SLC2A11: variants seen among roughly 807,000 people sequenced by gnomAD.
SLC2A11 encodes solute carrier family 2, facilitated glucose transporter member 11.
Under a neutral mutation model 52.1 loss-of-function variants are expected in SLC2A11, and 43 were observed. The ratio of observed to expected loss-of-function variants is 0.82; its 90% CI spans 0.65 to 1.06. The LOEUF (loss-of-function observed/expected upper bound fraction) is 1.06, where lower values mean the gene tolerates loss of function less well. Ranked by LOEUF, SLC2A11 falls within the 50% of genes least tolerant of loss-of-function variation. The pLI, the probability that SLC2A11 is intolerant of heterozygous loss-of-function variation, is 0.00. For missense variants in SLC2A11, 582 were observed against 654.2 expected (o/e 0.89, Z 1.20); for synonymous variants, 261 against 277.6 (o/e 0.94, Z 0.59).
At position 23,885,129 on chromosome 22, in the gene SLC2A11, G is replaced by T; in HGVS notation, c.*280G>T. ...GCACTTTGGGAGGCCAAGGTGGGAGGATCAATTGAGGCCAGAGTTTGAAAC... is the reference window on the plus strand; with the variant it reads ...GCACTTTGGGAGGCCAAGGTGGGAGTATCAATTGAGGCCAGAGTTTGAAAC... On this transcript the variant is annotated 3_prime_UTR_variant, in exon 12 of 12. Transcript: ENST00000316185. 1.9e-6 allele frequency: 1 copy of T among 517,772 alleles called. No individual in the cohort carries two copies. The highest frequency in any genetic ancestry group is 3.4e-6 in the Non-Finnish European group (1 of 295,820). The allele number at this position is 517,772 out of a possible 1,614,324, so 32.1% of individuals were successfully genotyped here. A position where few individuals can be genotyped will look rare whatever the true frequency, so the allele number is the denominator to read the frequency against.
chr22:23,861,036 G>A (rs1245192932), intron 1 of SLC2A11, among the ~76,000 whole-genome samples: 1 of 151,664 alleles, frequency 6.6e-6, no homozygotes, highest in African/African-American at 2.4e-5. Flanking sequence ...TAGTAGAGGC[G>A]GGATTTCACC....
chr22:23,877,293 C>A, intron 5 of SLC2A11, 122 bp downstream of exon 5: 2 of 1,501,950 alleles, frequency 1.3e-6, no homozygotes, highest in Non-Finnish European at 1.8e-6. Context: ...ATGAAGGCAT[C>A]GAATCCTCTA....
rs1037146886 is a variant in SLC2A11 at position 23,871,741 on chromosome 22, C to CA, written c.290+3112dup. 723 of 123,784 alleles carry CA rather than the reference C, an allele frequency of 5.8e-3. 5 individuals carry two copies. Among genetic ancestry groups the CA allele is most frequent in the Admixed American group, 0.012 (144 of 12,204 alleles). The allele number at this position is 123,784 out of a possible 1,614,324, so 7.7% of individuals were successfully genotyped here. On this transcript the variant is annotated intron_variant, in intron 3 of 11. Transcript: ENST00000316185. ...TGGGTGACAGAGCAAGACTCTGTCT[C>CA]AAAAAAAAAAAAGCCCATGCTAAAA... is the stretch of plus-strand genomic sequence containing the variant.
intron 2 of SLC2A11, among the ~76,000 whole-genome samples, chr22:23,863,608 G>GTTTTT (rs71184923): frequency 1.0e-4 from 9 of 86,804 alleles, no homozygotes; most frequent in African/African-American, 2.3e-4. Flanking sequence ...TCTCTCTCTG[G>GTTTTT]TTTTTTTTTT....
chr22:23,863,607 GGTTTTTTTT>G (rs1408064674), intron 2 of SLC2A11, among the ~76,000 whole-genome samples: 3 of 113,168 alleles, frequency 2.7e-5, no homozygotes, highest in Non-Finnish European at 5.6e-5. Context: ...CTCTCTCTCT[GGTTTTTTTT>G]TTTTTTTTTT....
chr22:23,864,380 G>A (rs2032184721), intron 2 of SLC2A11, among the ~76,000 whole-genome samples: 1 of 152,138 alleles, frequency 6.6e-6, no homozygotes, highest in South Asian at 2.1e-4. Context: ...GGAGTGCGAT[G>A]GCGTGATCTT....
In SLC2A11 at chr22:23,868,495, C is replaced by T; in HGVS notation, c.144C>T (p.Phe48=). 6.2e-7 allele frequency: 1 copy of T among 1,614,200 alleles called. No individual in the cohort carries two copies. Among genetic ancestry groups the T allele is most frequent in the South Asian group, 1.1e-5 (1 of 91,084 alleles). The change falls in exon 3 of 12, where the codon TTC becomes TTT. Residue 48 remains phenylalanine, a synonymous_variant. Transcript: ENST00000316185. ...TCTGTCCACAGCACATTCAGGAATT[C>T]ACCAATGAGACATGGCAGGCGCGTA... The part of the protein sequence containing the change: ...INAPTLHIQE[F]TNETWQARTG...
upstream of SLC2A11, chr22:23,857,789 C>A: frequency 6.2e-6 from 9 of 1,442,310 alleles, no homozygotes; most frequent in Non-Finnish European, 8.2e-6. Flanking sequence ...CTGGTGCGGC[C>A]GCTCTCAATA....
intron 3 of SLC2A11, chr22:23,873,144 C>T (rs1195181341): frequency 6.6e-6 from 1 of 152,386 alleles, no homozygotes; most frequent in African/African-American, 2.4e-5. Flanking sequence ...GCCTCAGCCT[C>T]CTGAGTAGCT....
At position 23,857,886 on chromosome 22, in the gene SLC2A11, C is replaced by A; in HGVS notation, c.-114C>A. The A allele has an allele frequency of 6.4e-7, 1 of 1,556,816 alleles. No individual in the cohort carries two copies. Among genetic ancestry groups the A allele is most frequent in the Admixed American group, 1.9e-5 (1 of 53,616 alleles). On this transcript the variant is annotated 5_prime_UTR_variant, in exon 1 of 12. It adds an upstream start codon to the 5' untranslated region. Coordinates refer to ENST00000316185, the MANE Select transcript of SLC2A11 (RefSeq NM_001024939.4). ...GCGTGCGCTAGCGCCTCTTTCACCA[C>A]TGGGCGCTGCGCGCTGCCCTTCCCT...
At chr22:23,864,882 C>T (rs9612493) in intron 2 of SLC2A11, among the ~76,000 whole-genome samples, 53,806 of 150,138 alleles carry the variant, frequency 0.36, 10,026 homozygotes, top group Middle Eastern at 0.45. Flanking sequence ...CTGAGGCAGG[C>T]GGATCATTTG....
At position 23,883,836 on chromosome 22, in the gene SLC2A11, G is replaced by C; in HGVS notation, c.1058G>C (p.Cys353Ser). The part of the protein sequence containing the change: ...LLIGGYSLMT[C>S]WGSIFTVALC... ...ATCGGTGGGTACAGCCTGATGACCT[G>C]CTGGGGGAGCATCTTCACTGTGGCC... Residue 353 changes from cysteine (C) to serine (S), a missense_variant, in exon 9 of 12, where the codon TGC becomes TCC. Cys to Ser is a moderately radical substitution (Grantham distance 112). Coordinates refer to ENST00000316185, the MANE Select transcript of SLC2A11 (RefSeq NM_001024939.4). 1.3e-6 allele frequency: 2 copies of C among 1,589,806 alleles called. No individual in the cohort carries two copies. The highest frequency in any genetic ancestry group is 1.7e-6 in the Non-Finnish European group (2 of 1,171,452).
intron 1 of SLC2A11, among the ~76,000 whole-genome samples, chr22:23,860,734 T>TG (rs2032022008): frequency 3.6e-5 from 2 of 54,920 alleles, no homozygotes; most frequent in Non-Finnish European, 8.3e-5. Flanking sequence ...CTCCGTCTCT[T>TG]TTTTTTTTTT....
chr22:23,860,221 A>T (rs1220085189), intron 1 of SLC2A11, among the ~76,000 whole-genome samples: 1 of 151,914 alleles, frequency 6.6e-6, no homozygotes, highest in African/African-American at 2.4e-5. Context: ...AGGAGTTTGA[A>T]ACCAGCCTGG....
Position 23,882,592 on chromosome 22 carries a change from G to A in SLC2A11, c.828G>A (p.Gln276=). 1.2e-6 allele frequency: 2 copies of A among 1,613,482 alleles called. No homozygotes were observed. The highest frequency in any genetic ancestry group is 1.7e-6 in the Non-Finnish European group (2 of 1,179,846). Residue 276 remains glutamine (Q), a synonymous_variant, in exon 7 of 12, where the codon CAG becomes CAA. Transcript: ENST00000316185. ...ELFQHRALRR[Q]VTSLVVLGSA... is the part of the protein sequence containing the mutation. Reference sequence around the variant, plus strand: ...TCCAGCATCGGGCCCTGAGGAGACAGGTGACAAGCCTCGTGGTTCTGGGCA... The same window carrying A: ...TCCAGCATCGGGCCCTGAGGAGACAAGTGACAAGCCTCGTGGTTCTGGGCA...
chr22:23,865,693 CA>C (rs1453461296), intron 2 of SLC2A11: 1 of 152,220 alleles, frequency 6.6e-6, no homozygotes, highest in Non-Finnish European at 1.5e-5. Context: ...TTGTTGAGGG[CA>C]GGCCAGGGTA....
chr22:23,867,497 C>T, intron 2 of SLC2A11: 1 of 325,210 alleles, frequency 3.1e-6, no homozygotes. Context: ...CGTGCCTGGC[C>T]ACGGAATTTC....
At chr22:23,878,247 T>C (rs1288911335) in intron 6 of SLC2A11, among the ~76,000 whole-genome samples, 3 of 152,168 alleles carry the variant, frequency 2.0e-5, no homozygotes, top group African/African-American at 7.2e-5. Flanking sequence ...AATCGCAACA[T>C]TTCTGCTTTA....
chr22:23,877,303 A>G (rs1223726753), intron 5 of SLC2A11, 132 bp downstream of exon 5: 54 of 1,464,360 alleles, frequency 3.7e-5, no homozygotes, highest in Non-Finnish European at 4.7e-5. Context: ...CGAATCCTCT[A>G]TCCACATCTC....
Sources: allele counts gnomAD v4.1 joint callset (sites outside exome capture counted in the v4.1 genomes callset), GRCh38; gene constraint gnomAD v4.1.1; transcripts MANE v1.5; gene names NCBI Gene and HGNC (gene_info 2026-07-23, HGNC 2026-07-21).